Variants in TTC5 observed in about 807,000 individuals in gnomAD.
TTC5 encodes the protein tetratricopeptide repeat domain 5.
TTC5 carries 46 observed loss-of-function variants against 57.4 expected under a neutral mutation model. The observed-to-expected ratio is 0.80, with a 90% CI of 0.63 to 1.03. The LOEUF is 1.03. Among genes scored for constraint, TTC5 ranks in the 50% least tolerant of loss-of-function variants. TTC5 has a pLI of 0.00. For missense variants in TTC5, 504 were observed against 528.1 expected (o/e 0.95, Z 0.45); for synonymous variants, 190 against 203.5 (o/e 0.93, Z 0.57).
At chr14:20,298,178 A>G (rs1475492949) in intron 5 of TTC5, among the ~76,000 whole-genome samples, 1 of 152,224 alleles carries the variant, frequency 6.6e-6, no homozygotes, top group Non-Finnish European at 1.5e-5. Context: ...TCAGAAGCCA[A>G]TTCTAATAAT....
intron 8 of TTC5, chr14:20,292,872 GA>G (rs1185280178): frequency 1.3e-5 from 2 of 152,252 alleles, no homozygotes; most frequent in East Asian, 3.9e-4. Context: ...GGTTAAAAGA[GA>G]AAAATTAATC....
chr14:20,293,804 A>T (rs1056435451), intron 8 of TTC5: 1 of 152,242 alleles, frequency 6.6e-6, no homozygotes, highest in Non-Finnish European at 1.5e-5. Flanking sequence ...AGGTGATACC[A>T]TTCATTCACA....
chr14:20,300,143 G>GTGTGTGTGTGTGTATATATATATATATA (rs370417927), intron 3 of TTC5, among the ~76,000 whole-genome samples: 1 of 27,148 alleles, frequency 3.7e-5, no homozygotes, highest in African/African-American at 1.1e-4. Flanking sequence ...TCTGGTCCAT[G>GTGTGTGTGTGTGTATATATATATATATA]TATATATATA....
chr14:20,305,928 C>G lies in TTC5; in HGVS notation c.10G>C (p.Asp4His). The change falls in exon 1 of 10, where the codon GAT (aspartate) becomes CAT (histidine). Residue 4 changes from aspartate to histidine, a missense_variant. By Grantham distance (81) the Asp-to-His change is moderately conservative. Transcript: ENST00000258821. Reference sequence around the variant, plus strand: ...ATCGGCTTGACTTCTTCCTCTTCATCAGCCATCATCTCCCGGCCACTCCAC... The same window carrying G: ...ATCGGCTTGACTTCTTCCTCTTCATGAGCCATCATCTCCCGGCCACTCCAC... Reference protein sequence around the residue: MMADEEEEVKPILQ... With the variant: MMAHEEEEVKPILQ... 2.5e-6 allele frequency: 4 copies of G among 1,614,166 alleles called. No individual in the cohort carries two copies. The highest frequency in any genetic ancestry group is 3.4e-6 in the Non-Finnish European group (4 of 1,180,032).
In TTC5 at chr14:20,288,321, A is replaced by G. The variant is rs1178004402; in HGVS notation, c.*1306T>C. 10 of 152,274 alleles carry G rather than the reference A, an allele frequency of 6.6e-5. No homozygotes were observed. 9.4% of individuals were successfully genotyped at this position (152,274 alleles called of 1,614,324 possible). The stretch of plus-strand genomic sequence containing the variant: ...ATCAATGATATTCAAGGCACTGATC[A>G]AAAACTGAACAGGACTGGACCAAGA... On this transcript the variant is annotated 3_prime_UTR_variant, in exon 10 of 10. Transcript: ENST00000258821.
intron 3 of TTC5, 128 bp from the exon 4 acceptor site, chr14:20,299,576 T>C: frequency 9.4e-7 from 1 of 1,058,644 alleles, no homozygotes; most frequent in Admixed American, 2.0e-5. Flanking sequence ...TTGTTTGAGG[T>C]GGAGTCTTGC....
At chr14:20,290,864 T>G (rs1218378480) in intron 9 of TTC5, among the ~76,000 whole-genome samples, 1 of 152,160 alleles carries the variant, frequency 6.6e-6, no homozygotes, top group Non-Finnish European at 1.5e-5. Context: ...TGGTCTCTGT[T>G]ACAGAACAAG....
rs1415314483 is a variant in TTC5 at position 20,295,176 on chromosome 14, C to A, written c.1058+136G>T. 5.3e-6 allele frequency: 4 copies of A among 756,292 alleles called. No homozygotes were observed. In the East Asian group the frequency reaches 8.1e-5, roughly 15 times the overall value. The allele number at this position is 756,292 out of a possible 1,614,324, so 46.8% of individuals were successfully genotyped here. On this transcript the variant is annotated intron_variant, in intron 8 of 9. Transcript: ENST00000258821. ...ACATCACCCAGACAATATCTGCCCA[C>A]GGGATAGTCACAGAAGGAAATCAGA...
chr14:20,305,738 G>C (rs941971238), intron 1 of TTC5, 149 bp downstream of exon 1: 18 of 775,350 alleles, frequency 2.3e-5, no homozygotes, highest in African/African-American at 1.6e-4. Context: ...GGCTGGCTGC[G>C]GCTGCACCCT....
At chr14:20,298,984 A>T (rs1882124956) in intron 4 of TTC5, 96 bp from the exon 5 acceptor site, 10 of 988,570 alleles carry the variant, frequency 1.0e-5, no homozygotes, top group Non-Finnish European at 1.5e-5. Context: ...AAGGTCCCAC[A>T]AGAAATCCAA....
chr14:20,296,455 G>C lies in TTC5; in HGVS notation c.640-9C>G. On this transcript the variant is annotated splice_polypyrimidine_tract_variant and intron_variant, in intron 5 of 9. Coordinates refer to ENST00000258821, the MANE Select transcript of TTC5 (RefSeq NM_138376.3). ...TTTCTGTCAACTTTCTCCTATAATG[G>C]GATGAAAAGATTATCAGTGGATCCT... is the stretch of plus-strand genomic sequence containing the variant. 6.2e-7 allele frequency: 1 copy of C among 1,605,422 alleles called. No homozygotes were observed. The highest frequency in any genetic ancestry group is 8.5e-7 in the Non-Finnish European group (1 of 1,172,042).
chr14:20,295,453 T>C lies in TTC5; in HGVS notation c.917A>G (p.Asp306Gly). 6.2e-7 allele frequency: 1 copy of C among 1,614,186 alleles called. No individual in the cohort carries two copies. The highest frequency in any genetic ancestry group is 8.5e-7 in the Non-Finnish European group (1 of 1,180,036). Residue 306 changes from aspartate (D) to glycine (G), a missense_variant, in exon 8 of 10, where the codon GAT (aspartate) becomes GGT (glycine). Coordinates refer to ENST00000258821, the MANE Select transcript of TTC5 (RefSeq NM_138376.3). ...LRPAHLGPCS[D>G]GHYQSASGQK... ...CCCAGAGGCTGACTGATAGTGCCCA[T>C]CACTGCAAGGGCCTAGATGGGCTGG...
chr14:20,302,082 A>C (rs1249574871), intron 1 of TTC5, 117 bp from the exon 2 acceptor site: 21 of 1,141,202 alleles, frequency 1.8e-5, no homozygotes, highest in Non-Finnish European at 5.0e-6. Context: ...CTCACCTATG[A>C]ATGGCACAAT....
At chr14:20,298,340 T>C (rs2138813377) in intron 5 of TTC5, among the ~76,000 whole-genome samples, 1 of 152,356 alleles carries the variant, frequency 6.6e-6, no homozygotes, top group South Asian at 2.1e-4. Context: ...TACACATTGT[T>C]TTCTCTTTTA....
In TTC5 at chr14:20,302,890, T is replaced by C. The variant is rs557385318; in HGVS notation, c.52-925A>G. 2.0e-5 allele frequency among the ~76,000 whole-genome samples: 3 copies of C among 152,262 alleles called. No individual in the cohort carries two copies. The East Asian group carries it at 5.8e-4, about 29-fold the overall frequency. ...TATAAAGTGTAAATGAAACAATTTTTTTTTTTTCTTTTTTAAAAGACAGGG... is the reference window on the plus strand; with the variant it reads ...TATAAAGTGTAAATGAAACAATTTTCTTTTTTTCTTTTTTAAAAGACAGGG... On this transcript the variant is annotated intron_variant, in intron 1 of 9. Coordinates refer to ENST00000258821, the MANE Select transcript of TTC5 (RefSeq NM_138376.3).
intron 6 of TTC5, 73 bp from the exon 7 acceptor site, chr14:20,295,927 G>A (rs1594263984): frequency 1.2e-5 from 17 of 1,397,312 alleles, no homozygotes; most frequent in Non-Finnish European, 1.6e-5. Flanking sequence ...CCATGGGCTA[G>A]GAATCTAGAG....
At chr14:20,294,299 C>T (rs1033872755) in intron 8 of TTC5, 18 of 151,946 alleles carry the variant, frequency 1.2e-4, no homozygotes, top group African/African-American at 4.1e-4. Flanking sequence ...CAAGGAGTGG[C>T]AAAATATCTA....
intron 5 of TTC5, among the ~76,000 whole-genome samples, chr14:20,296,696 A>C (rs909767142): frequency 1.3e-5 from 2 of 152,214 alleles, no homozygotes; most frequent in African/African-American, 4.8e-5. Flanking sequence ...AGTAGTATTA[A>C]GATAGAATAA....
intron 9 of TTC5, among the ~76,000 whole-genome samples, chr14:20,291,325 T>C (rs1345825479): frequency 6.6e-6 from 1 of 152,218 alleles, no homozygotes; most frequent in Non-Finnish European, 1.5e-5. Flanking sequence ...TCCAAAGTGC[T>C]GGGATTTTAC....
Sources: allele counts gnomAD v4.1 joint callset (sites outside exome capture counted in the v4.1 genomes callset), GRCh38; gene constraint gnomAD v4.1.1; transcripts MANE v1.5; gene names NCBI Gene and HGNC (gene_info 2026-07-23, HGNC 2026-07-21).